Variants in PTPRN observed in about 807,000 individuals in gnomAD.
PTPRN encodes protein tyrosine phosphatase receptor type N, also known as receptor-type tyrosine-protein phosphatase-like N.
Under a neutral mutation model 108.5 loss-of-function variants are expected in PTPRN, and 70 were observed. The observed-to-expected ratio is 0.65, with a 90% CI of 0.53 to 0.79. The LOEUF is 0.79. PTPRN is among the 30% of genes least tolerant of loss of function. The pLI is 0.00. For synonymous variants in PTPRN, 496 were observed against 524.6 expected (o/e 0.95, Z 0.75); for missense variants, 1,136 against 1,295.5 (o/e 0.88, Z 1.89).
In PTPRN at chr2:219,309,362, G is replaced by C; in HGVS notation, c.-30C>G. ...CCGAGCTCCGGGCGCTCGCTCCCGG[G>C]CCGGAGCCGCAGCGACGCTGGCGGG... On this transcript the variant is annotated 5_prime_UTR_variant, in exon 1 of 23. Coordinates refer to ENST00000295718, the MANE Select transcript of PTPRN (RefSeq NM_002846.4). The C allele has an allele frequency of 1.6e-6, 2 of 1,215,552 alleles. No homozygotes were observed. Among genetic ancestry groups the C allele is most frequent in the Non-Finnish European group, 2.2e-6 (2 of 912,414 alleles). 75.3% of individuals were successfully genotyped at this position (1,215,552 alleles called of 1,614,324 possible).
At position 219,290,130 on chromosome 2, in the gene PTPRN, G is replaced by C; in HGVS notation, c.*96C>G. 1.7e-6 allele frequency: 2 copies of C among 1,164,546 alleles called. No homozygotes were observed. Among genetic ancestry groups the C allele is most frequent in the South Asian group, 2.6e-5 (2 of 77,838 alleles). The allele number at this position is 1,164,546 out of a possible 1,614,324, so 72.1% of individuals were successfully genotyped here. On this transcript the variant is annotated 3_prime_UTR_variant, in exon 23 of 23. Transcript: ENST00000295718. The surrounding 1 kb of genome is among the most constrained non-coding windows in gnomAD (Gnocchi z 4.2). ...TAGGAAGGGCTGAGCATGCCCAAGA[G>C]GTGGCTGGTGGGGCAGTGAGGAGTG...
chr2:219,299,249 C>T (rs1360640752), intron 11 of PTPRN, 56 bp downstream of exon 11: 2 of 1,603,678 alleles, frequency 1.2e-6, no homozygotes, highest in East Asian at 2.2e-5. Context: ...CTGGATATAT[C>T]CTCTTAGGAG....
At chr2:219,301,367 C>T (rs986053597) in intron 7 of PTPRN, among the ~76,000 whole-genome samples, 2 of 152,160 alleles carry the variant, frequency 1.3e-5, no homozygotes, top group African/African-American at 4.8e-5. Flanking sequence ...CTGCTTTTTC[C>T]ATTACTTCCA....
At chr2:219,293,726 T>G (rs1430268964) in intron 19 of PTPRN, among the ~76,000 whole-genome samples, 1 of 151,862 alleles carries the variant, frequency 6.6e-6, no homozygotes. Flanking sequence ...TGTCCTGAGG[T>G]TCAGAAACTA....
chr2:219,309,393 G>C lies in PTPRN; in HGVS notation c.-61C>G. ...GCCGCAGCGACGCTGGCGGGAGCCT[G>C]CCAGAGGGGCTGAGGCGGGGCTTGC... On this transcript the variant is annotated 5_prime_UTR_variant, in exon 1 of 23. Coordinates refer to ENST00000295718, the MANE Select transcript of PTPRN (RefSeq NM_002846.4). 1.1e-6 allele frequency: 1 copy of C among 885,662 alleles called. No individual in the cohort carries two copies. 54.9% of individuals were successfully genotyped at this position (885,662 alleles called of 1,614,324 possible). A position where few individuals can be genotyped will look rare whatever the true frequency, so the allele number is the denominator to read the frequency against.
Position 219,295,049 on chromosome 2 carries a change from G to C in PTPRN, c.2601C>G (p.Leu867=), listed in dbSNP as rs1952152310. Residue 867 remains leucine, a synonymous_variant, in exon 19 of 23, where the codon CTC becomes CTG. Coordinates refer to ENST00000295718, the MANE Select transcript of PTPRN (RefSeq NM_002846.4). ...GCCAGCTGAGGAAGTGGAACTGCGT[G>C]AGCGTGCGCGTCTCCTGGGTCTGCA... ...KNVQTQETRT[L]TQFHFLSWPA... The C allele has an allele frequency of 6.2e-7, 1 of 1,613,412 alleles. No individual in the cohort carries two copies. Among genetic ancestry groups the C allele is most frequent in the Non-Finnish European group, 8.5e-7 (1 of 1,179,624 alleles).
chr2:219,294,266 G>C (rs914714720), intron 19 of PTPRN: 10 of 435,584 alleles, frequency 2.3e-5, no homozygotes, highest in African/African-American at 2.0e-4. Context: ...GCAGCGGGAG[G>C]GAGAGGGAGA....
At position 219,300,234 on chromosome 2, in the gene PTPRN, C is replaced by T; in HGVS notation, c.1187G>A (p.Arg396Lys). 3.2e-6 allele frequency: 5 copies of T among 1,583,916 alleles called. No individual in the cohort carries two copies. The highest frequency in any genetic ancestry group is 4.3e-6 in the Non-Finnish European group (5 of 1,163,326). ...KKTMEGPVEG[R>K]DTAELPARTS... ...GCGGGCTGGAAGCTCTGCTGTGTCT[C>T]TGCCCTCCACCGGCCCCTCCATTGT... Residue 396 changes from arginine to lysine, a missense_variant, in exon 9 of 23, where the codon AGA becomes AAA. Coordinates refer to ENST00000295718, the MANE Select transcript of PTPRN (RefSeq NM_002846.4).
chr2:219,296,081 C>T lies in PTPRN; in HGVS notation c.2508+145G>A. ...ATGCATATATGTGTTTATATATATT[C>T]ATATATGTATGAATCATGAGCAGGG... On this transcript the variant is annotated intron_variant, in intron 18 of 22. Transcript: ENST00000295718. This position sits in a 1 kb window ranked among gnomAD's most constrained non-coding sequence, Gnocchi z 6.0. 1 of 1,151,618 alleles carries T rather than the reference C, an allele frequency of 8.7e-7. No homozygotes were observed. Among genetic ancestry groups the T allele is most frequent in the Non-Finnish European group, 1.3e-6 (1 of 799,836 alleles). 71.3% of individuals were successfully genotyped at this position (1,151,618 alleles called of 1,614,324 possible).
At chr2:219,291,104 G>T (rs1257467009) in intron 20 of PTPRN, among the ~76,000 whole-genome samples, 1 of 152,120 alleles carries the variant, frequency 6.6e-6, no homozygotes, top group Non-Finnish European at 1.5e-5. Flanking sequence ...TGTGACCTGT[G>T]GGTGTCATTT....
Position 219,298,038 on chromosome 2 carries a change from C to A in PTPRN, c.1734G>T (p.Leu578=). 1 of 1,614,076 alleles carries A rather than the reference C, an allele frequency of 6.2e-7. No homozygotes were observed. The highest frequency in any genetic ancestry group is 8.5e-7 in the Non-Finnish European group (1 of 1,180,016). The change falls in exon 13 of 23, where the codon CTG becomes CTT. Residue 578 remains leucine (L), a synonymous_variant. Transcript: ENST00000295718. ...AHSTSPMRSV[L]LTLVALAGVA... is the part of the protein sequence containing the mutation. ...CACCTGCCAGGGCCACCAGAGTGAG[C>A]AGCACTGAGCGCATGGGTGAGGTGC... is the stretch of plus-strand genomic sequence containing the variant.
chr2:219,307,158 C>T, intron 3 of PTPRN: 3 of 309,344 alleles, frequency 9.7e-6, no homozygotes, highest in Non-Finnish European at 1.8e-5. Flanking sequence ...TTCCAGAGTT[C>T]TTGGCTCTGT....
chr2:219,290,248 A>G lies in PTPRN; in HGVS notation c.2918T>C (p.Ile973Thr). The G allele has an allele frequency of 6.2e-7, 1 of 1,613,940 alleles. No homozygotes were observed. The highest frequency in any genetic ancestry group is 1.7e-5 in the Admixed American group (1 of 60,008). The change falls in exon 23 of 23, where the codon ATC (isoleucine) becomes ACC (threonine). Residue 973 changes from isoleucine to threonine, a missense_variant. By Grantham distance (89) the Ile-to-Thr change is moderately conservative (BLOSUM62 -1). Transcript: ENST00000295718. This position sits in a 1 kb window ranked among gnomAD's most constrained non-coding sequence, Gnocchi z 4.2. ...LTAVAEEVNAILKALPQ is the reference protein window; with the variant it reads ...LTAVAEEVNATLKALPQ ...GTCTCACTGGGGCAGGGCCTTGAGG[A>G]TGGCATTCACTTCCTCCGCCACGGC...
In PTPRN at chr2:219,293,828, C is replaced by T. The variant is rs12621717; in HGVS notation, c.2675+1147G>A. Among the ~76,000 whole-genome samples the T allele has an allele frequency of 2.6e-5, 4 of 152,336 alleles. No homozygotes were observed. The East Asian group carries it at 5.8e-4, about 22-fold the overall frequency. Reference sequence around the variant, plus strand: ...AAGGGACAGAGAACCAGGAGAAGGGCGCAGTGTGGGTGGGCCCCTGCCCTT... The same window carrying T: ...AAGGGACAGAGAACCAGGAGAAGGGTGCAGTGTGGGTGGGCCCCTGCCCTT... On this transcript the variant is annotated intron_variant, in intron 19 of 22. Coordinates refer to ENST00000295718, the MANE Select transcript of PTPRN (RefSeq NM_002846.4).
At position 219,295,111 on chromosome 2, in the gene PTPRN, C is replaced by G. The variant is rs764248510; in HGVS notation, c.2539G>C (p.Glu847Gln). 3 of 1,612,908 alleles carry G rather than the reference C, an allele frequency of 1.9e-6. No homozygotes were observed. Among genetic ancestry groups the G allele is most frequent in the Non-Finnish European group, 2.5e-6 (3 of 1,179,398 alleles). ...TAGAAGCTCCGCACCAGAAAGTCCT[C>G]GCACCAGATGTGCTCCGACACCAGG... ...VNLVSEHIWCEDFLVRSFYLK... is the reference protein window; with the variant it reads ...VNLVSEHIWCQDFLVRSFYLK... Residue 847 changes from glutamate to glutamine, a missense_variant, in exon 19 of 23, where the codon GAG becomes CAG. By Grantham distance (29) the Glu-to-Gln change is conservative (BLOSUM62 2). Coordinates refer to ENST00000295718, the MANE Select transcript of PTPRN (RefSeq NM_002846.4).
Position 219,309,222 on chromosome 2 carries a change from G to T in PTPRN, c.111C>A (p.Ala37=). 2 of 1,534,468 alleles carry T rather than the reference G, an allele frequency of 1.3e-6. No homozygotes were observed. Among genetic ancestry groups the T allele is most frequent in the East Asian group, 2.4e-5 (1 of 41,106 alleles). ...CAGCCCAAGTTTCCTCCTGACCGTG[G>T]GCACTAACGGCGCTGCAGCCCCCCG... The part of the protein sequence containing the change: ...SRPGGCSAVS[A]HGCLFDRRLC... Residue 37 remains alanine, a synonymous_variant, in exon 1 of 23, where the codon GCC becomes GCA. Transcript: ENST00000295718.
rs148769551 is a variant in PTPRN at position 219,289,921 on chromosome 2, A to ACC, written c.*304_*305insGG. 0.059 allele frequency: 21,502 copies of ACC among 367,526 alleles called. 790 individuals are homozygous for ACC. The highest frequency in any genetic ancestry group is 0.078 in the Middle Eastern group (96 of 1,238). 22.8% of individuals were successfully genotyped at this position (367,526 alleles called of 1,614,324 possible). On this transcript the variant is annotated 3_prime_UTR_variant, in exon 23 of 23. Transcript: ENST00000295718. ...GAACTCCCAGAACCCCAGGAGAGCT[A>ACC]CAGGAGAGCCAGGCCAGGGAATGTA...
chr2:219,300,280 G>T, intron 8 of PTPRN, 21 bp from the exon 9 acceptor site: 5 of 1,541,138 alleles, frequency 3.2e-6, no homozygotes, highest in Non-Finnish European at 4.4e-6. Context: ...GAGGGTGGAG[G>T]TGTGGCCTCT....
In PTPRN at chr2:219,299,728, T is replaced by C. The variant is rs369948198; in HGVS notation, c.1495A>G (p.Met499Val). ...LLEILAEHVH[M>V]SSGSFINISV... ...ATGTTGATGAAGCTGCCTGAGGACATGTGCACATGCTCAGCCAGGATCTCC... is the reference window on the plus strand; with the variant it reads ...ATGTTGATGAAGCTGCCTGAGGACACGTGCACATGCTCAGCCAGGATCTCC... The change falls in exon 10 of 23, where the codon ATG (methionine) becomes GTG (valine). Residue 499 changes from methionine to valine, a missense_variant. Physicochemically the swap from Met to Val is conservative, Grantham distance 21 (BLOSUM62 1). Coordinates refer to ENST00000295718, the MANE Select transcript of PTPRN (RefSeq NM_002846.4). The C allele has an allele frequency of 2.7e-5, 44 of 1,608,424 alleles. No individual in the cohort carries two copies. The highest frequency in any genetic ancestry group is 3.7e-5 in the Non-Finnish European group (43 of 1,175,688).
Sources: gnomAD v4.1 joint callset for allele counts (sites outside exome capture counted in the v4.1 genomes callset) on GRCh38, gnomAD v4.1.1 for gene constraint, Gnocchi (gnomAD v3.1) non-coding constraint, MANE v1.5 for transcripts, NCBI Gene and HGNC (gene_info 2026-07-23, HGNC 2026-07-21) for gene names.